The following LEKR1 variants were observed in gnomAD, a reference collection of about 807,000 sequenced individuals.
LEKR1 encodes the protein leucine, glutamate and lysine rich 1.
In LEKR1, 59 loss-of-function variants were observed where a neutral mutation model predicts 72.4. That is an observed-to-expected ratio of 0.82 (90% CI 0.66 to 1.01). LEKR1 has a LOEUF of 1.01. Among genes scored for constraint, LEKR1 ranks in the 50% least tolerant of loss-of-function variants. LEKR1 has a pLI of 0.00. For missense variants in LEKR1, 728 were observed against 759.2 expected (o/e 0.96, Z 0.48); for synonymous variants, 257 against 263.2 (o/e 0.98, Z 0.23).
intron 12 of LEKR1, among the ~76,000 whole-genome samples, chr3:157,043,107 C>T (rs948137501): frequency 3.9e-5 from 6 of 152,154 alleles, no homozygotes; most frequent in Admixed American, 3.3e-4. Context: ...TCTCTTGCTC[C>T]TGCTCCCGCC....
intron 6 of LEKR1, among the ~76,000 whole-genome samples, chr3:156,970,931 T>G (rs570481146): frequency 1.1e-4 from 16 of 151,954 alleles, no homozygotes; most frequent in Admixed American, 8.5e-4. Flanking sequence ...AATCTATAGA[T>G]TCAATGCCAT....
chr3:156,836,010 A>G (rs1713092730), intron 2 of LEKR1, among the ~76,000 whole-genome samples: 1 of 150,538 alleles, frequency 6.6e-6, no homozygotes, highest in African/African-American at 2.4e-5. Context: ...AGTAGCTGGG[A>G]TTACAGGCAT....
chr3:156,984,557 G>T (rs1730510736), intron 7 of LEKR1, among the ~76,000 whole-genome samples: 1 of 151,940 alleles, frequency 6.6e-6, no homozygotes, highest in Admixed American at 6.6e-5. Context: ...GGTGCCTGTG[G>T]TCCCAGTTAC....
chr3:157,035,307 G>A (rs1577025627), intron 12 of LEKR1, among the ~76,000 whole-genome samples: 1 of 152,094 alleles, frequency 6.6e-6, no homozygotes, highest in Admixed American at 6.5e-5. Context: ...TTGAAAACAA[G>A]GCTGTTTGAA....
chr3:156,945,368 G>T (rs953481057), intron 6 of LEKR1, among the ~76,000 whole-genome samples: 1 of 151,812 alleles, frequency 6.6e-6, no homozygotes, highest in Non-Finnish European at 1.5e-5. Flanking sequence ...CATTCTGTGG[G>T]TTGTCTCTTG....
At chr3:156,944,020 T>C (rs1995425) in intron 6 of LEKR1, among the ~76,000 whole-genome samples, 92,679 of 151,300 alleles carry the variant, frequency 0.61, 29,494 homozygotes, top group Admixed American at 0.74. Context: ...ATTCTACATT[T>C]GATTTTTTTC....
rs1490408556 is a variant in LEKR1 at position 157,046,112 on chromosome 3, AT to A, written c.*363del. On this transcript the variant is annotated 3_prime_UTR_variant, in exon 13 of 13. Transcript: ENST00000356539. Reference sequence around the variant, plus strand: ...CAAGCAGATATATTTCCACAAAAAAATAGATTGTTTGAGATTTGTTGGTATG... The same window carrying A: ...CAAGCAGATATATTTCCACAAAAAAAAGATTGTTTGAGATTTGTTGGTATG... 1.1e-5 allele frequency: 2 copies of A among 187,176 alleles called. No homozygotes were observed. The highest frequency in any genetic ancestry group is 4.7e-5 in the African/African-American group (2 of 42,434). The allele number at this position is 187,176 out of a possible 1,614,324, so 11.6% of individuals were successfully genotyped here. A position where few individuals can be genotyped will look rare whatever the true frequency, so the allele number is the denominator to read the frequency against.
At chr3:156,958,828 G>A (rs890069830) in intron 6 of LEKR1, among the ~76,000 whole-genome samples, 22 of 151,834 alleles carry the variant, frequency 1.4e-4, no homozygotes, top group African/African-American at 5.3e-4. Flanking sequence ...TTTAACTTTA[G>A]TGATTCTCAA....
At chr3:156,966,078 A>G (rs1462743763) in intron 6 of LEKR1, among the ~76,000 whole-genome samples, 1 of 152,184 alleles carries the variant, frequency 6.6e-6, no homozygotes, top group East Asian at 1.9e-4. Flanking sequence ...TAACTAATGT[A>G]ACTAAATAAA....
chr3:156,854,775 A>G (rs1300755898), intron 3 of LEKR1, among the ~76,000 whole-genome samples: 1 of 151,610 alleles, frequency 6.6e-6, no homozygotes, highest in Non-Finnish European at 1.5e-5. Flanking sequence ...GTTGGTCTCG[A>G]ACTCCTGGGC....
chr3:156,830,566 G>A (rs1041793577), intron 2 of LEKR1, among the ~76,000 whole-genome samples: 1 of 152,166 alleles, frequency 6.6e-6, no homozygotes, highest in Admixed American at 6.5e-5. Context: ...TATGCCAACA[G>A]GTGCAAAAAC....
chr3:156,988,404 C>A, intron 7 of LEKR1: 1 of 222,484 alleles, frequency 4.5e-6, no homozygotes, highest in South Asian at 8.3e-5. Flanking sequence ...GGATCCCAGT[C>A]ATCGTGTCAC....
intron 6 of LEKR1, among the ~76,000 whole-genome samples, chr3:156,972,480 A>T (rs1383396503): frequency 6.6e-6 from 1 of 152,140 alleles, no homozygotes; most frequent in African/African-American, 2.4e-5. Context: ...GTACCCTAAA[A>T]CTTAAAGTAT....
At chr3:156,878,268 T>C (rs79196388) in intron 3 of LEKR1, among the ~76,000 whole-genome samples, 10,081 of 152,212 alleles carry the variant, frequency 0.066, 406 homozygotes, top group African/African-American at 0.11. Context: ...TTTAGTGCTA[T>C]GAACTTTCCT....
intron 3 of LEKR1, among the ~76,000 whole-genome samples, chr3:156,874,848 G>T (rs1718379550): frequency 6.6e-6 from 1 of 152,128 alleles, no homozygotes; most frequent in African/African-American, 2.4e-5. Context: ...CATCCAGGAT[G>T]CTGCAAATGC....
chr3:156,936,958 A>T (rs1185797563), intron 5 of LEKR1, among the ~76,000 whole-genome samples: 1 of 152,162 alleles, frequency 6.6e-6, no homozygotes, highest in Non-Finnish European at 1.5e-5. Flanking sequence ...AAAAGGGAAA[A>T]TTGATAACTT....
chr3:157,042,195 T>C (rs1234572162), intron 12 of LEKR1, among the ~76,000 whole-genome samples: 2 of 152,212 alleles, frequency 1.3e-5, no homozygotes, highest in Non-Finnish European at 2.9e-5. Context: ...CAGAAAAGAA[T>C]AGAAGTATCA....
intron 4 of LEKR1, among the ~76,000 whole-genome samples, chr3:156,921,349 G>T (rs1724176360): frequency 1.4e-5 from 2 of 141,334 alleles, no homozygotes; most frequent in Non-Finnish European, 3.0e-5. Context: ...AAAAAAGTAT[G>T]CTGGGTGAGT....
intron 5 of LEKR1, among the ~76,000 whole-genome samples, chr3:156,935,651 G>A (rs1576855408): frequency 6.6e-6 from 1 of 152,100 alleles, no homozygotes; most frequent in African/African-American, 2.4e-5. Flanking sequence ...AAAAGTTGAG[G>A]AACTATCCCA....
Sources: gnomAD v4.1 joint callset for allele counts (sites outside exome capture counted in the v4.1 genomes callset) on GRCh38, gnomAD v4.1.1 for gene constraint, MANE v1.5 for transcripts, NCBI Gene and HGNC (gene_info 2026-07-23, HGNC 2026-07-21) for gene names.